SAMMSON: variants seen among roughly 807,000 people sequenced by gnomAD.
SAMMSON encodes the protein long intergenic non-protein coding RNA 1212.
chr3:70,322,081 C>T (rs924813069), intron 7 of SAMMSON, among the ~76,000 whole-genome samples: 6 of 151,936 alleles, frequency 3.9e-5, no homozygotes, highest in Admixed American at 6.6e-5. Context: ...TAAAATATTG[C>T]TTATCCTTCA....
In SAMMSON at chr3:70,052,340, C is replaced by T. The variant is rs115259657; in HGVS notation, n.418-19136C>T. Among the ~76,000 whole-genome samples, 228 of 152,140 alleles carry T rather than the reference C, an allele frequency of 1.5e-3. 1 individual carries two copies. Among genetic ancestry groups the T allele is most frequent in the African/African-American group, 5.0e-3 (209 of 41,530 alleles). ...AAATATATTTTGCAGGAGTAAATGA[C>T]GGAGGAGCACTCCCAATCTCCTTGA... On this transcript the variant is annotated intron_variant and non_coding_transcript_variant, in intron 3 of 9. Coordinates refer to ENST00000642114, the Ensembl canonical transcript of SAMMSON.
At chr3:70,038,758 C>G (rs150911105) in intron 3 of SAMMSON, among the ~76,000 whole-genome samples, 2 of 152,078 alleles carry the variant, frequency 1.3e-5, no homozygotes, top group East Asian at 1.9e-4. Context: ...TCAGATGAAG[C>G]CTCTATGAAT....
intron 4 of SAMMSON, among the ~76,000 whole-genome samples, chr3:70,134,315 G>A (rs1386149258): frequency 1.3e-5 from 2 of 149,938 alleles, no homozygotes; most frequent in Non-Finnish European, 3.0e-5. Context: ...GTGCCCAGTA[G>A]TGTTCCTGAT....
intron 6 of SAMMSON, among the ~76,000 whole-genome samples, chr3:70,266,003 G>C (rs1701913568): frequency 6.6e-6 from 1 of 152,110 alleles, no homozygotes; most frequent in Admixed American, 6.5e-5. Flanking sequence ...GATTTAGGTT[G>C]AGACACAAAG....
intron 3 of SAMMSON, among the ~76,000 whole-genome samples, chr3:70,041,631 A>T (rs1438056863): frequency 6.6e-6 from 1 of 151,934 alleles, no homozygotes; most frequent in African/African-American, 2.4e-5. Flanking sequence ...ATTTGAAAAA[A>T]ATACCAATAA....
At position 70,108,423 on chromosome 3, in the gene SAMMSON, C is replaced by CTTTTTTT. The variant is rs61561713; in HGVS notation, n.507+36870_507+36876dup. ...TAGTGTTTCTCAACTCTTGCGGTTC[C>CTTTTTTT]TTTTTTTTTTTTTTTTTTATCATAA... is the stretch of plus-strand genomic sequence containing the variant. On this transcript the variant is annotated intron_variant and non_coding_transcript_variant, in intron 4 of 9. Coordinates refer to ENST00000642114, the Ensembl canonical transcript of SAMMSON. Among the ~76,000 whole-genome samples, 76 of 89,346 alleles carry CTTTTTTT rather than the reference C, an allele frequency of 8.5e-4. 8 individuals are homozygous for CTTTTTTT. Among genetic ancestry groups the CTTTTTTT allele is most frequent in the East Asian group, 4.3e-3 (8 of 1,848 alleles). 58.6% of individuals were successfully genotyped at this position (89,346 alleles called of 152,430 possible).
At chr3:70,398,086 A>T (rs1701106868) in intron 2 of SAMMSON, among the ~76,000 whole-genome samples, 1 of 152,198 alleles carries the variant, frequency 6.6e-6, no homozygotes, top group Non-Finnish European at 1.5e-5. Context: ...TCTGGAAGCA[A>T]ATCTATAGTA....
intron 3 of SAMMSON, chr3:70,071,347 T>G (rs2067228548): frequency 6.6e-6 from 1 of 152,138 alleles, no homozygotes; most frequent in Non-Finnish European, 1.5e-5. Context: ...TTAATTCTCA[T>G]TATGTTCTAT....
intron 2 of SAMMSON, among the ~76,000 whole-genome samples, chr3:70,428,869 T>A (rs931548067): frequency 2.0e-5 from 3 of 152,218 alleles, no homozygotes; most frequent in African/African-American, 7.2e-5. Flanking sequence ...AAATACTTAC[T>A]CAGTAATTAT....
chr3:70,029,943 G>A (rs765448619), intron 3 of SAMMSON, among the ~76,000 whole-genome samples: 4 of 151,984 alleles, frequency 2.6e-5, no homozygotes, highest in African/African-American at 7.2e-5. Context: ...TTCTAGAATC[G>A]TTTTCTTGAA....
chr3:70,100,525 G>T (rs796722825), intron 4 of SAMMSON, among the ~76,000 whole-genome samples: 6 of 45,538 alleles, frequency 1.3e-4, no homozygotes, highest in African/African-American at 6.9e-4. Context: ...TGGGGGGGGG[G>T]GGGGGGGGAA....
intron 4 of SAMMSON, among the ~76,000 whole-genome samples, chr3:70,168,680 G>C (rs1360804627): frequency 6.6e-6 from 1 of 151,848 alleles, no homozygotes; most frequent in Non-Finnish European, 1.5e-5. Flanking sequence ...CTTATTTATG[G>C]CCCCACTTGT....
intron 3 of SAMMSON, among the ~76,000 whole-genome samples, chr3:70,028,542 C>T (rs2067051836): frequency 1.3e-5 from 2 of 151,974 alleles, no homozygotes; most frequent in Admixed American, 6.6e-5. Context: ...CATCCAGGCC[C>T]AGGAAATGCC....
chr3:70,055,800 A>T (rs993029713), intron 3 of SAMMSON, among the ~76,000 whole-genome samples: 1 of 151,992 alleles, frequency 6.6e-6, no homozygotes, highest in Non-Finnish European at 1.5e-5. Context: ...TTCTTTCAGG[A>T]TCTGAACCAT....
chr3:70,416,011 A>C (rs775629510), intron 2 of SAMMSON, among the ~76,000 whole-genome samples: 3 of 152,198 alleles, frequency 2.0e-5, no homozygotes, highest in Non-Finnish European at 4.4e-5. Context: ...ATTATTCATA[A>C]GCTTTAGATA....
At chr3:70,216,905 G>A (rs1701416947) in intron 4 of SAMMSON, among the ~76,000 whole-genome samples, 1 of 152,088 alleles carries the variant, frequency 6.6e-6, no homozygotes, top group African/African-American at 2.4e-5. Context: ...AACCTATTAT[G>A]CACAGGGACC....
In SAMMSON at chr3:70,109,802, A is replaced by T. The variant is rs148512961; in HGVS notation, n.507+38237A>T. The stretch of plus-strand genomic sequence containing the variant: ...TGCCTCCTTAAAAGATCCTCTAAGG[A>T]CTTCCCAGATAAAATTAATTACTTA... On this transcript the variant is annotated intron_variant and non_coding_transcript_variant, in intron 4 of 9. Coordinates refer to ENST00000642114, the Ensembl canonical transcript of SAMMSON. Among the ~76,000 whole-genome samples, 5 of 152,304 alleles carry T rather than the reference A, an allele frequency of 3.3e-5. No homozygotes were observed. The East Asian group carries it at 9.7e-4, about 29-fold the overall frequency.
intron 3 of SAMMSON, among the ~76,000 whole-genome samples, chr3:70,037,899 T>A (rs896671395): frequency 6.6e-6 from 1 of 152,122 alleles, no homozygotes; most frequent in Non-Finnish European, 1.5e-5. Flanking sequence ...GAGCTCAACA[T>A]CTGGAAAGAT....
At chr3:70,216,168 A>G (rs1701409872) in intron 4 of SAMMSON, among the ~76,000 whole-genome samples, 3 of 151,280 alleles carry the variant, frequency 2.0e-5, no homozygotes, top group Admixed American at 1.3e-4. Context: ...ATTTATATTT[A>G]TGCTTTATAT....
Sources: allele counts gnomAD v4.1 joint callset (sites outside exome capture counted in the v4.1 genomes callset), GRCh38; gene constraint gnomAD v4.1.1; transcripts MANE v1.5; gene names NCBI Gene and HGNC (gene_info 2026-07-23, HGNC 2026-07-21).